Variants in ZNF490 observed in about 807,000 individuals in gnomAD.
ZNF490 encodes the protein zinc finger protein 490.
ZNF490 carries 11 observed loss-of-function variants against 17.7 expected under a neutral mutation model. The ratio of observed to expected loss-of-function variants is 0.62; its 90% CI spans 0.39 to 1.03. The LOEUF (loss-of-function observed/expected upper bound fraction) is 1.03, where lower values mean the gene tolerates loss of function less well. ZNF490 is among the 50% of genes least tolerant of loss of function. The pLI is 0.00. For missense variants in ZNF490, 542 were observed against 643.4 expected, an observed-to-expected ratio of 0.84 and a Z score of 1.71; for synonymous variants, 222 against 216.1, an observed-to-expected ratio of 1.03 and a Z score of -0.24.
chr19:12,610,761 AT>A lies in ZNF490; in HGVS notation c.-82del. ...CCGGAACAATTTCTGCTTCAACACA[AT>A]TGTCCACGGAGGGCACCAGTTCCGT... On this transcript the variant is annotated 5_prime_UTR_variant, in exon 1 of 5. Transcript: ENST00000311437. 2 of 1,397,184 alleles carry A rather than the reference AT, an allele frequency of 1.4e-6. No individual in the cohort carries two copies. Among genetic ancestry groups the A allele is most frequent in the East Asian group, 4.6e-5 (2 of 43,850 alleles). The allele number at this position is 1,397,184 out of a possible 1,614,324, so 86.5% of individuals were successfully genotyped here.
chr19:12,581,363 G>T lies in ZNF490; in HGVS notation c.712C>A (p.Arg238=). 1 of 1,614,014 alleles carries T rather than the reference G, an allele frequency of 6.2e-7. No individual in the cohort carries two copies. Among genetic ancestry groups the T allele is most frequent in the Non-Finnish European group, 8.5e-7 (1 of 1,179,986 alleles). The change falls in exon 5 of 5, where the codon CGA becomes AGA. Residue 238 remains arginine (R), a synonymous_variant. Coordinates refer to ENST00000311437, the MANE Select transcript of ZNF490 (RefSeq NM_020714.3). The stretch of plus-strand genomic sequence containing the variant: ...CCAGTATGAATTCTTATATGGTTTC[G>T]AAAGGAAAAGAGAAATGCGAAGGCT... ...GKAFAFLFSF[R]NHIRIHTGET... is the part of the protein sequence containing the mutation.
intron 2 of ZNF490, among the ~76,000 whole-genome samples, chr19:12,603,174 T>G (rs1462187940): frequency 6.6e-6 from 1 of 152,074 alleles, no homozygotes; most frequent in Non-Finnish European, 1.5e-5. Context: ...ACCTTGTAAT[T>G]TCCTAAGCGA....
intron 3 of ZNF490, 73 bp downstream of exon 3, chr19:12,583,357 C>G (rs927646565): frequency 6.7e-7 from 1 of 1,486,136 alleles, no homozygotes; most frequent in African/African-American, 1.4e-5. Context: ...CATTTTAAAC[C>G]TTGGAACTCA....
chr19:12,583,525 T>G lies in ZNF490; in HGVS notation c.194A>C (p.Asn65Thr). Reference sequence around the variant, plus strand: ...CAAAGCCCACTCCTCCAGGGTGAAGTTCACAGCCACATCCTCAAGGGAGAT... The same window carrying G: ...CAAAGCCCACTCCTCCAGGGTGAAGGTCACAGCCACATCCTCAAGGGAGAT... ...DSISLEDVAV[N>T]FTLEEWALLD... The change falls in exon 3 of 5, where the codon AAC becomes ACC. Residue 65 changes from asparagine (N) to threonine (T), a missense_variant. Physicochemically the swap from Asn to Thr is moderately conservative, Grantham distance 65 (BLOSUM62 0). Transcript: ENST00000311437. The G allele has an allele frequency of 6.2e-7, 1 of 1,604,804 alleles. No homozygotes were observed. Among genetic ancestry groups the G allele is most frequent in the South Asian group, 1.1e-5 (1 of 90,936 alleles).
chr19:12,581,005 G>A lies in ZNF490; in HGVS notation c.1070C>T (p.Thr357Ile), dbSNP rs1409903662. The change falls in exon 5 of 5, where the codon ACC becomes ATC. Residue 357 changes from threonine (T) to isoleucine (I), a missense_variant. Thr to Ile is a moderately conservative substitution (Grantham distance 89). Transcript: ENST00000311437. ...CTTACATGTATAAGGTTGAACTCCG[G>A]TGTGGGTTTTCACGTGTTTTCGAAG... ...SSLRKHVKTHTGVQPYTCKKC... is the reference protein window; with the variant it reads ...SSLRKHVKTHIGVQPYTCKKC... The A allele has an allele frequency of 5.6e-6, 9 of 1,614,030 alleles. No individual in the cohort carries two copies. Among genetic ancestry groups the A allele is most frequent in the Admixed American group, 3.3e-5 (2 of 59,982 alleles).
intron 2 of ZNF490, among the ~76,000 whole-genome samples, 184 bp downstream of exon 2, chr19:12,608,974 T>C (rs1052626030): frequency 5.9e-5 from 9 of 152,036 alleles, no homozygotes; most frequent in African/African-American, 1.4e-4. Context: ...TAAGGGACAA[T>C]GGAAGTACAG....
chr19:12,585,051 G>C lies in ZNF490; in HGVS notation c.163-1495C>G, dbSNP rs2022796738. Among the ~76,000 whole-genome samples, 3 of 93,494 alleles carry C rather than the reference G, an allele frequency of 3.2e-5. No homozygotes were observed. The South Asian group carries it at 8.4e-4, about 26-fold the overall frequency. 61.3% of individuals were successfully genotyped at this position (93,494 alleles called of 152,430 possible). ...CTCAAGCACTTGTGAAGTGGCTTCG[G>C]AGAGCAAGAAAAGGAGCCTGGCTGG... On this transcript the variant is annotated intron_variant, in intron 2 of 4. Coordinates refer to ENST00000311437, the MANE Select transcript of ZNF490 (RefSeq NM_020714.3).
At chr19:12,591,189 G>C (rs1319126993) in intron 2 of ZNF490, among the ~76,000 whole-genome samples, 3 of 151,760 alleles carry the variant, frequency 2.0e-5, no homozygotes, top group African/African-American at 7.3e-5. Context: ...AGGAATTTGA[G>C]ACCAGTCTAG....
rs1436210136 is a variant in ZNF490 at position 12,578,618 on chromosome 19, T to C, written c.*1867A>G. On this transcript the variant is annotated 3_prime_UTR_variant, in exon 5 of 5. Transcript: ENST00000311437. The stretch of plus-strand genomic sequence containing the variant: ...TAGGATGTGCATAGGCAGATCCCAC[T>C]TGGGGAAAAACTGTAAGATGCGAAC... 5 of 985,370 alleles carry C rather than the reference T, an allele frequency of 5.1e-6. No individual in the cohort carries two copies. In the South Asian group the frequency reaches 1.9e-4, roughly 37 times the overall value. The allele number at this position is 985,370 out of a possible 1,614,324, so 61.0% of individuals were successfully genotyped here.
chr19:12,583,791 C>CTCTCTCTCTCTATATA (rs1315571249), intron 2 of ZNF490, among the ~76,000 whole-genome samples: 1 of 68,136 alleles, frequency 1.5e-5, no homozygotes, highest in Non-Finnish European at 2.5e-5. Flanking sequence ...CTCTCTCTCT[C>CTCTCTCTCTCTATATA]TATATATATA....
rs1043023082 is a variant in ZNF490 at position 12,582,868 on chromosome 19, T to G, written c.332A>C (p.Asn111Thr). The G allele has an allele frequency of 3.7e-6, 6 of 1,612,568 alleles. No individual in the cohort carries two copies. Among genetic ancestry groups the G allele is most frequent in the Non-Finnish European group, 3.4e-6 (4 of 1,179,024 alleles). The change falls in exon 4 of 5, where the codon AAC becomes ACC. Residue 111 changes from asparagine to threonine, a missense_variant. Coordinates refer to ENST00000311437, the MANE Select transcript of ZNF490 (RefSeq NM_020714.3). Reference sequence around the variant, plus strand: ...AACTCACCTTAGATTTCTTCCCTGGTTTTTGTGTTCATCTTCAATATCCTG... The same window carrying G: ...AACTCACCTTAGATTTCTTCCCTGGGTTTTGTGTTCATCTTCAATATCCTG... Reference protein sequence around the residue: ...KDQDIEDEHKNQGRNLRSPMV... With the variant: ...KDQDIEDEHKTQGRNLRSPMV...
chr19:12,595,726 G>A (rs1196358423), intron 2 of ZNF490, among the ~76,000 whole-genome samples: 2 of 152,066 alleles, frequency 1.3e-5, no homozygotes, highest in African/African-American at 4.8e-5. Context: ...GAGGCAGGTG[G>A]ATCACCTGAG....
In ZNF490 at chr19:12,580,449, C is replaced by G. The variant is rs922659323; in HGVS notation, c.*36G>C. 9 of 1,538,986 alleles carry G rather than the reference C, an allele frequency of 5.8e-6. No individual in the cohort carries two copies. Among genetic ancestry groups the G allele is most frequent in the African/African-American group, 5.5e-5 (4 of 72,354 alleles). ...AGTACTCTCATACATCCAAAAGGAA[C>G]TAATACAACTGACAGCATTACCACA... On this transcript the variant is annotated 3_prime_UTR_variant, in exon 5 of 5. Transcript: ENST00000311437.
At chr19:12,599,506 G>A (rs2022976620) in intron 2 of ZNF490, among the ~76,000 whole-genome samples, 1 of 152,162 alleles carries the variant, frequency 6.6e-6, no homozygotes, top group African/African-American at 2.4e-5. Context: ...GCTAGGGAAG[G>A]CCTGGGACAC....
In ZNF490 at chr19:12,578,763, G is replaced by C. The variant is rs542015655; in HGVS notation, c.*1722C>G. 2.5e-4 allele frequency: 248 copies of C among 985,160 alleles called. 1 individual carries two copies. In the African/African-American group the frequency reaches 4.0e-3, roughly 16 times the overall value. The allele number at this position is 985,160 out of a possible 1,614,324, so 61.0% of individuals were successfully genotyped here. ...AGTCATGTGTGAGAGCTGAGGGCAG[G>C]CACTGCCCTAGAGGGTGTTTCCTAA... On this transcript the variant is annotated 3_prime_UTR_variant, in exon 5 of 5. Coordinates refer to ENST00000311437, the MANE Select transcript of ZNF490 (RefSeq NM_020714.3).
rs1456989555 is a variant in ZNF490 at position 12,581,591 on chromosome 19, C to T, written c.484G>A (p.Gly162Arg). Residue 162 changes from glycine (G) to arginine (R), a missense_variant, in exon 5 of 5, where the codon GGG becomes AGG. By Grantham distance (125) the Gly-to-Arg change is moderately radical. Transcript: ENST00000311437. ...GLKPCDCSVC[G>R]EVFMHQVSLN... Reference sequence around the variant, plus strand: ...GAGACCTGATGCATGAAGACTTCCCCACACACACTGCAGTCACATGGTTTT... The same window carrying T: ...GAGACCTGATGCATGAAGACTTCCCTACACACACTGCAGTCACATGGTTTT... 1 of 1,614,134 alleles carries T rather than the reference C, an allele frequency of 6.2e-7. No homozygotes were observed. The highest frequency in any genetic ancestry group is 8.5e-7 in the Non-Finnish European group (1 of 1,180,020).
At chr19:12,591,251 T>A (rs2022866853) in intron 2 of ZNF490, among the ~76,000 whole-genome samples, 1 of 152,010 alleles carries the variant, frequency 6.6e-6, no homozygotes, top group Non-Finnish European at 1.5e-5. Context: ...TAGCCAGGTG[T>A]GGTGGTGCAT....
chr19:12,598,419 G>T (rs1267395431), intron 2 of ZNF490, among the ~76,000 whole-genome samples: 1 of 151,158 alleles, frequency 6.6e-6, no homozygotes, highest in African/African-American at 2.4e-5. Flanking sequence ...TTGTTGCCCA[G>T]GCTGGAGTGC....
In ZNF490 at chr19:12,577,451, T is replaced by C. The variant is rs1245004300; in HGVS notation, c.*3034A>G. On this transcript the variant is annotated 3_prime_UTR_variant, in exon 5 of 5. Coordinates refer to ENST00000311437, the MANE Select transcript of ZNF490 (RefSeq NM_020714.3). ...AAAGCACAACATGGCAGCTCAAGAA[T>C]GTGAAAGGACCTGAAATGGGTTGAG... 2.0e-6 allele frequency: 2 copies of C among 985,208 alleles called. No homozygotes were observed. The highest frequency in any genetic ancestry group is 1.7e-5 in the African/African-American group (1 of 57,192). The allele number at this position is 985,208 out of a possible 1,614,324, so 61.0% of individuals were successfully genotyped here. A position where few individuals can be genotyped will look rare whatever the true frequency, so the allele number is the denominator to read the frequency against.
Sources: allele counts gnomAD v4.1 joint callset (sites outside exome capture counted in the v4.1 genomes callset), GRCh38; gene constraint gnomAD v4.1.1; transcripts MANE v1.5; gene names NCBI Gene and HGNC (gene_info 2026-07-23, HGNC 2026-07-21).